Variants in ZMYND12 observed in about 807,000 individuals in gnomAD.
ZMYND12 encodes the protein zinc finger MYND-type containing 12.
ZMYND12 carries 32 observed loss-of-function variants against 41.7 expected under a neutral mutation model. That is an observed-to-expected ratio of 0.77 (90% CI 0.58 to 1.03). ZMYND12 has a LOEUF of 1.03. Ranked by LOEUF, ZMYND12 falls within the 50% of genes least tolerant of loss-of-function variation. The pLI is 0.00. For missense variants in ZMYND12, 424 were observed against 438.5 expected, an observed-to-expected ratio of 0.97 and a Z score of 0.30; for synonymous variants, 148 against 164.8, an observed-to-expected ratio of 0.90 and a Z score of 0.78.
chr1:42,441,072 T>C (rs1642962674), intron 3 of ZMYND12, among the ~76,000 whole-genome samples: 2 of 152,200 alleles, frequency 1.3e-5, no homozygotes, highest in South Asian at 4.1e-4. Context: ...GGCCTTGTGT[T>C]GGGTGATGGG....
chr1:42,450,942 C>T (rs1279041249), intron 1 of ZMYND12, among the ~76,000 whole-genome samples: 1 of 152,124 alleles, frequency 6.6e-6, no homozygotes, highest in African/African-American at 2.4e-5. Context: ...GGAGAACATA[C>T]TCTGTATGAA....
intron 1 of ZMYND12, among the ~76,000 whole-genome samples, chr1:42,454,119 G>A (rs1261172103): frequency 1.3e-5 from 2 of 152,146 alleles, no homozygotes; most frequent in African/African-American, 2.4e-5. Flanking sequence ...CTAGCAGAGA[G>A]AACAGACTGG....
chr1:42,443,601 G>A (rs1642991840), intron 3 of ZMYND12, among the ~76,000 whole-genome samples: 1 of 152,104 alleles, frequency 6.6e-6, no homozygotes, highest in South Asian at 2.1e-4. Flanking sequence ...GGTGCCCAGG[G>A]GAAGAAAAGG....
At chr1:42,452,504 C>A (rs1002303284) in intron 1 of ZMYND12, among the ~76,000 whole-genome samples, 11 of 152,124 alleles carry the variant, frequency 7.2e-5, no homozygotes, top group Admixed American at 6.6e-4. Flanking sequence ...AATTCGAGAC[C>A]AGCCTGACCA....
chr1:42,433,152 A>G lies in ZMYND12; in HGVS notation c.966T>C (p.Asn322=). The part of the protein sequence containing the change: ...ILVMFYYLMM[N]SSKAQEYGMR... Reference sequence around the variant, plus strand: ...TTTTAGGGAAACTTGCCTTTGAAGAATTCATCATCAGGTAGTAAAACATGA... The same window carrying G: ...TTTTAGGGAAACTTGCCTTTGAAGAGTTCATCATCAGGTAGTAAAACATGA... The change falls in exon 7 of 8, where the codon AAT becomes AAC. Residue 322 remains asparagine (N), a synonymous_variant. Transcript: ENST00000372565. The G allele has an allele frequency of 1.2e-6, 2 of 1,607,524 alleles. No homozygotes were observed. Among genetic ancestry groups the G allele is most frequent in the Non-Finnish European group, 1.7e-6 (2 of 1,178,082 alleles).
chr1:42,441,726 T>C (rs376957367), intron 3 of ZMYND12, among the ~76,000 whole-genome samples: 139 of 151,760 alleles, frequency 9.2e-4, no homozygotes, highest in African/African-American at 3.1e-3. Context: ...GTTCACGCCA[T>C]TCTCCTGCCT....
intron 3 of ZMYND12, among the ~76,000 whole-genome samples, chr1:42,447,612 AG>A (rs1643037019): frequency 6.6e-6 from 1 of 152,226 alleles, no homozygotes; most frequent in Non-Finnish European, 1.5e-5. Flanking sequence ...TCATTTACTA[AG>A]GGGACACTGA....
chr1:42,451,687 C>A (rs1461642441), intron 1 of ZMYND12, among the ~76,000 whole-genome samples: 3 of 152,012 alleles, frequency 2.0e-5, no homozygotes, highest in African/African-American at 7.3e-5. Flanking sequence ...GTGACTGCTA[C>A]CAAAGAAATG....
chr1:42,454,608 A>G (rs376223939), intron 1 of ZMYND12, among the ~76,000 whole-genome samples: 7 of 152,274 alleles, frequency 4.6e-5, no homozygotes, highest in African/African-American at 1.7e-4. Flanking sequence ...GTTTCCCAGG[A>G]GATAAATTCC....
intron 7 of ZMYND12, 26 bp downstream of exon 7, chr1:42,433,117 C>T (rs570387071): frequency 2.6e-5 from 41 of 1,604,944 alleles, no homozygotes; most frequent in South Asian, 5.6e-5. Flanking sequence ...TCATTTTAGA[C>T]GTGTTGCTTT....
intron 1 of ZMYND12, among the ~76,000 whole-genome samples, chr1:42,452,530 G>A (rs544465008): frequency 3.2e-4 from 49 of 152,172 alleles, no homozygotes; most frequent in Non-Finnish European, 6.0e-4. Context: ...GTGAAACACC[G>A]TCTCTACTAA....
chr1:42,436,317 CCT>C, intron 5 of ZMYND12, 102 bp downstream of exon 5: 1 of 1,511,404 alleles, frequency 6.6e-7, no homozygotes, highest in Non-Finnish European at 9.0e-7. Flanking sequence ...TCTCTCTGTG[CCT>C]CTCTTTCTCA....
chr1:42,438,683 C>T (rs1642932502), intron 4 of ZMYND12, among the ~76,000 whole-genome samples: 1 of 152,134 alleles, frequency 6.6e-6, no homozygotes, highest in Non-Finnish European at 1.5e-5. Flanking sequence ...GCTCCCAGGG[C>T]ATAGAGTAGG....
intron 4 of ZMYND12, among the ~76,000 whole-genome samples, chr1:42,437,804 C>T (rs950849127): frequency 2.4e-4 from 36 of 152,242 alleles, no homozygotes; most frequent in African/African-American, 8.7e-4. Flanking sequence ...GCCTCAGCCT[C>T]CCAAGTAGCT....
intron 3 of ZMYND12, among the ~76,000 whole-genome samples, chr1:42,448,024 C>T (rs1002701): frequency 0.63 from 95,919 of 152,022 alleles, 30,532 homozygotes; most frequent in South Asian, 0.72. Flanking sequence ...CTAGAAAACA[C>T]GTAAACTGAA....
chr1:42,430,864 A>G lies in ZMYND12; in HGVS notation c.976-6T>C. 6.2e-7 allele frequency: 1 copy of G among 1,614,058 alleles called. No individual in the cohort carries two copies. Among genetic ancestry groups the G allele is most frequent in the Non-Finnish European group, 8.5e-7 (1 of 1,179,946 alleles). On this transcript the variant is annotated splice_region_variant and splice_polypyrimidine_tract_variant and intron_variant, in intron 7 of 7. Coordinates refer to ENST00000372565, the MANE Select transcript of ZMYND12 (RefSeq NM_032257.5). ...CTCATGCCATATTCCTGTGCCTGAA[A>G]TAGAATTGCAGTGACAAAAGGAAGT... is the stretch of plus-strand genomic sequence containing the variant.
At chr1:42,455,808 C>T in intron 1 of ZMYND12, 80 bp downstream of exon 1, 1 of 1,145,798 alleles carries the variant, frequency 8.7e-7, no homozygotes, top group Admixed American at 2.5e-5. Context: ...CAACGGCTAA[C>T]GCAAGGTACC....
intron 1 of ZMYND12, among the ~76,000 whole-genome samples, chr1:42,454,666 G>A (rs570860074): frequency 9.9e-5 from 15 of 151,450 alleles, no homozygotes; most frequent in Non-Finnish European, 1.9e-4. Flanking sequence ...TTATCTTCTT[G>A]GTTTAAACTT....
intron 3 of ZMYND12, among the ~76,000 whole-genome samples, chr1:42,445,009 C>T (rs1643008059): frequency 6.6e-6 from 1 of 151,278 alleles, no homozygotes; most frequent in South Asian, 2.1e-4. Flanking sequence ...AGGGTTTCAC[C>T]GTGTTCGCCA....
Sources: gnomAD v4.1 joint callset for allele counts (sites outside exome capture counted in the v4.1 genomes callset) on GRCh38, gnomAD v4.1.1 for gene constraint, MANE v1.5 for transcripts, NCBI Gene and HGNC (gene_info 2026-07-23, HGNC 2026-07-21) for gene names.